The following CYP2F1 variants were observed in gnomAD, a reference collection of about 807,000 sequenced individuals.
CYP2F1 encodes cytochrome P450 family 2 subfamily F member 1.
In CYP2F1, 33 loss-of-function variants were observed where a neutral mutation model predicts 40.4. The observed-to-expected ratio is 0.82, with a 90% CI of 0.62 to 1.09. CYP2F1 has a LOEUF of 1.09. Among genes scored for constraint, CYP2F1 ranks in the 50% least tolerant of loss-of-function variants. The pLI is 0.00. For missense variants in CYP2F1, 566 were observed against 655.7 expected (o/e 0.86, Z 1.49); for synonymous variants, 235 against 277.2 (o/e 0.85, Z 1.51).
At chr19:41,116,874 TC>T (rs933348921) in intron 3 of CYP2F1, among the ~76,000 whole-genome samples, 57 of 152,080 alleles carry the variant, frequency 3.7e-4, no homozygotes, top group African/African-American at 1.3e-3. Context: ...CCCATTGTCA[TC>T]CCAATCCCTA....
In CYP2F1 at chr19:41,116,215, A is replaced by T; in HGVS notation, c.27A>T (p.Leu9Phe). The T allele has an allele frequency of 1.2e-6, 2 of 1,613,328 alleles. No individual in the cohort carries two copies. Among genetic ancestry groups the T allele is most frequent in the Non-Finnish European group, 1.7e-6 (2 of 1,179,818 alleles). The change falls in exon 2 of 10, where the codon TTA becomes TTT. Residue 9 changes from leucine to phenylalanine, a missense_variant. Around this residue, in one of 5 missense-constraint regions of CYP2F1, gnomAD observed 264 missense variants for 275.7 expected, o/e 0.96. Coordinates refer to ENST00000331105, the MANE Select transcript of CYP2F1 (RefSeq NM_000774.5). The stretch of plus-strand genomic sequence containing the variant: ...TGGACAGCATAAGCACAGCCATCTT[A>T]CTCCTGCTCCTGGCTCTCGTCTGTC... MDSISTAI[L>F]LLLLALVCLL...
intron 3 of CYP2F1, among the ~76,000 whole-genome samples, chr19:41,118,446 C>T (rs2031949834): frequency 6.6e-6 from 1 of 152,030 alleles, no homozygotes; most frequent in African/African-American, 2.4e-5. Flanking sequence ...CCAGCTGCCC[C>T]AGGATTTGAA....
chr19:41,122,270 C>T (rs1378015395), intron 6 of CYP2F1, 137 bp downstream of exon 6: 1 of 850,340 alleles, frequency 1.2e-6, no homozygotes, highest in Non-Finnish European at 1.8e-6. Context: ...TCTGGCCCAG[C>T]TGGGCTGGAG....
At chr19:41,116,048 C>G (rs773157065) in intron 1 of CYP2F1, 130 bp from the exon 2 acceptor site, 1 of 794,228 alleles carries the variant, frequency 1.3e-6, no homozygotes, top group Non-Finnish European at 2.0e-6. Flanking sequence ...TTCCCCATCC[C>G]CTGGCCTCTC....
chr19:41,122,531 CACAT>C (rs766158626), intron 6 of CYP2F1, among the ~76,000 whole-genome samples: 2,531 of 151,994 alleles, frequency 0.017, 68 homozygotes, highest in African/African-American at 0.055. Context: ...CACACATACA[CACAT>C]ACATACATAC....
At chr19:41,114,793 T>C (rs2031693826) in intron 1 of CYP2F1, among the ~76,000 whole-genome samples, 1 of 141,978 alleles carries the variant, frequency 7.0e-6, no homozygotes, top group African/African-American at 2.6e-5. Context: ...TCTCTCTTTT[T>C]TTTTTTTTTT....
intron 3 of CYP2F1, among the ~76,000 whole-genome samples, chr19:41,119,744 TATATACACACACAC>T (rs1438315528): frequency 1.1e-3 from 70 of 63,892 alleles, no homozygotes; most frequent in African/African-American, 3.8e-3. Context: ...TATATATATA[TATATACACACACAC>T]ACACACACAC....
intron 3 of CYP2F1, 136 bp from the exon 4 acceptor site, chr19:41,120,211 A>G: frequency 1.2e-6 from 1 of 804,316 alleles, no homozygotes; most frequent in Non-Finnish European, 1.9e-6. Flanking sequence ...TGGAGGGTCC[A>G]GAAGGGCTTA....
intron 4 of CYP2F1, 37 bp downstream of exon 4, chr19:41,120,533 C>CT (rs34650210): frequency 0.025 from 33,512 of 1,348,576 alleles, 22 homozygotes; most frequent in Non-Finnish European, 0.029. Context: ...ATGGCACGAT[C>CT]TTTTTTTTTT....
chr19:41,118,284 G>A lies in CYP2F1; in HGVS notation c.334+1667G>A, dbSNP rs117605517. Among the ~76,000 whole-genome samples, 15 of 151,982 alleles carry A rather than the reference G, an allele frequency of 9.9e-5. No individual in the cohort carries two copies. In the East Asian group the frequency reaches 2.7e-3, roughly 27 times the overall value. Reference sequence around the variant, plus strand: ...AGGAAAGAAGGAAGGAAAGGAAGGAGGGAGGGAGGGAAAGAATGAAGGAAG... The same window carrying A: ...AGGAAAGAAGGAAGGAAAGGAAGGAAGGAGGGAGGGAAAGAATGAAGGAAG... On this transcript the variant is annotated intron_variant, in intron 3 of 9. Coordinates refer to ENST00000331105, the MANE Select transcript of CYP2F1 (RefSeq NM_000774.5).
intron 5 of CYP2F1, among the ~76,000 whole-genome samples, 160 bp downstream of exon 5, chr19:41,121,778 C>A (rs2032222981): frequency 6.8e-6 from 1 of 146,662 alleles, no homozygotes. Flanking sequence ...CCACTCCCCT[C>A]CACTGAGCAT....
chr19:41,124,642 GCA>G, intron 7 of CYP2F1, 75 bp from the exon 8 acceptor site: 1 of 1,341,032 alleles, frequency 7.5e-7, no homozygotes, highest in Admixed American at 2.0e-5. Context: ...CCCCACACAC[GCA>G]CACACCTCTT....
chr19:41,119,941 A>C (rs971025305), intron 3 of CYP2F1, among the ~76,000 whole-genome samples: 1 of 151,534 alleles, frequency 6.6e-6, no homozygotes, highest in African/African-American at 2.4e-5. Flanking sequence ...ACTGTGTCGC[A>C]AAAAATAATA....
In CYP2F1 at chr19:41,127,063, T is replaced by G. The variant is rs1290057173; in HGVS notation, c.1295-838T>G. ...GCCCAGCTAAGAGCTTATGTTTTCC[T>G]CTGGGAATGTGTGGCCCAGATTCCA... is the stretch of plus-strand genomic sequence containing the variant. On this transcript the variant is annotated intron_variant, in intron 9 of 9. Coordinates refer to ENST00000331105, the MANE Select transcript of CYP2F1 (RefSeq NM_000774.5). Among the ~76,000 whole-genome samples the G allele has an allele frequency of 3.9e-5, 6 of 152,214 alleles. No homozygotes were observed. The South Asian group carries it at 8.3e-4, about 21-fold the overall frequency.
At position 41,128,022 on chromosome 19, in the gene CYP2F1, A is replaced by C; in HGVS notation, c.1416A>C (p.Pro472=). 6.2e-7 allele frequency: 1 copy of C among 1,609,656 alleles called. No homozygotes were observed. Among genetic ancestry groups the C allele is most frequent in the Non-Finnish European group, 8.5e-7 (1 of 1,178,664 alleles). Reference sequence around the variant, plus strand: ...CGCCCGAGGACATCGACCTGACCCCACTCAGCTCAGGTCTTGGCAATTTGC... The same window carrying C: ...CGCCCGAGGACATCGACCTGACCCCCCTCAGCTCAGGTCTTGGCAATTTGC... ...LGAPEDIDLT[P]LSSGLGNLPR... Residue 472 remains proline, a synonymous_variant, in exon 10 of 10, where the codon CCA becomes CCC. Coordinates refer to ENST00000331105, the MANE Select transcript of CYP2F1 (RefSeq NM_000774.5).
chr19:41,119,784 C>CACACAT (rs1363525122), intron 3 of CYP2F1, among the ~76,000 whole-genome samples: 2 of 117,080 alleles, frequency 1.7e-5, no homozygotes, highest in Non-Finnish European at 3.5e-5. Flanking sequence ...CACACACACA[C>CACACAT]ATATATATTA....
intron 7 of CYP2F1, chr19:41,123,359 G>C: frequency 2.8e-6 from 1 of 359,056 alleles, no homozygotes; most frequent in South Asian, 2.1e-5. Context: ...CCAAGTAGCT[G>C]GGATTACACC....
chr19:41,116,298 T>C lies in CYP2F1; in HGVS notation c.110T>C (p.Leu37Pro). ...KGKLPPGPRP[L>P]SILGNLLLLC... is the part of the protein sequence containing the mutation. ...AAGCTGCCTCCGGGACCCAGACCCC[T>C]CTCAATCCTGGGAAACCTGCTGCTG... Residue 37 changes from leucine to proline, a missense_variant, in exon 2 of 10, where the codon CTC becomes CCC. Coordinates refer to ENST00000331105, the MANE Select transcript of CYP2F1 (RefSeq NM_000774.5). 1 of 1,614,084 alleles carries C rather than the reference T, an allele frequency of 6.2e-7. No homozygotes were observed. Among genetic ancestry groups the C allele is most frequent in the Non-Finnish European group, 8.5e-7 (1 of 1,180,006 alleles).
At chr19:41,116,687 C>T in intron 3 of CYP2F1, 70 bp downstream of exon 3, 1 of 1,524,986 alleles carries the variant, frequency 6.6e-7, no homozygotes, top group Non-Finnish European at 8.9e-7. Flanking sequence ...GGGTGAGAGA[C>T]TGTTGTCTCA....
Sources: gnomAD v4.1 joint callset for allele counts (sites outside exome capture counted in the v4.1 genomes callset) on GRCh38, gnomAD v4.1.1 for gene constraint, gnomAD v4.1.1 regional missense constraint, MANE v1.5 for transcripts, NCBI Gene and HGNC (gene_info 2026-07-23, HGNC 2026-07-21) for gene names.